Variants in FIG4 observed in about 807,000 individuals in gnomAD.
FIG4 encodes FIG4 phosphoinositide 5-phosphatase.
Under a neutral mutation model 118.6 loss-of-function variants are expected in FIG4, and 112 were observed. That is an observed-to-expected ratio of 0.94 (90% CI 0.81 to 1.11). FIG4 has a LOEUF of 1.11. Among genes scored for constraint, FIG4 ranks in the 50% least tolerant of loss-of-function variants. The pLI, the probability that FIG4 is intolerant of heterozygous loss-of-function variation, is 0.00. For synonymous variants in FIG4, 369 were observed against 381.2 expected, an observed-to-expected ratio of 0.97 and a Z score of 0.37; for missense variants, 969 against 1,111.7, an observed-to-expected ratio of 0.87 and a Z score of 1.83.
At chr6:109,714,529 A>T (rs1373532690) in intron 1 of FIG4, among the ~76,000 whole-genome samples, 1 of 152,222 alleles carries the variant, frequency 6.6e-6, no homozygotes, top group Non-Finnish European at 1.5e-5. Context: ...AAGAATGATG[A>T]TAATTTCTTG....
At chr6:109,724,052 C>T (rs941744319) in intron 3 of FIG4, among the ~76,000 whole-genome samples, 4 of 151,964 alleles carry the variant, frequency 2.6e-5, no homozygotes, top group Non-Finnish European at 5.9e-5. Flanking sequence ...GGCAATATTT[C>T]CCAAAATATG....
intron 15 of FIG4, among the ~76,000 whole-genome samples, chr6:109,771,312 C>T (rs530003209): frequency 2.1e-3 from 320 of 152,260 alleles, no homozygotes; most frequent in African/African-American, 7.1e-3. Context: ...TGTGACATTT[C>T]CATAGTAAGT....
At position 109,773,354 on chromosome 6, in the gene FIG4, C is replaced by T. The variant is rs546072403; in HGVS notation, c.1751-3568C>T. Among the ~76,000 whole-genome samples, 39 of 152,100 alleles carry T rather than the reference C, an allele frequency of 2.6e-4. 1 individual carries two copies. Among genetic ancestry groups the T allele is most frequent in the Non-Finnish European group, 4.9e-4 (33 of 68,002 alleles). On this transcript the variant is annotated intron_variant, in intron 15 of 22. Coordinates refer to ENST00000230124, the MANE Select transcript of FIG4 (RefSeq NM_014845.6). ...ACTAGGGAGCAAAGGTCTTGGGGGCCAAATTTCTTCCTACCACAGAAATCT... is the reference window on the plus strand; with the variant it reads ...ACTAGGGAGCAAAGGTCTTGGGGGCTAAATTTCTTCCTACCACAGAAATCT...
intron 22 of FIG4, among the ~76,000 whole-genome samples, chr6:109,805,664 A>G (rs921727018): frequency 9.2e-5 from 14 of 152,204 alleles, no homozygotes; most frequent in African/African-American, 3.1e-4. Context: ...TTATTCAGAA[A>G]AGTAATTGAG....
intron 22 of FIG4, among the ~76,000 whole-genome samples, 167 bp from the exon 23 acceptor site, chr6:109,824,921 G>A (rs753160293): frequency 2.0e-5 from 3 of 152,178 alleles, no homozygotes; most frequent in Non-Finnish European, 2.9e-5. Flanking sequence ...CCTCCAGGCA[G>A]AGAAGAGAAC....
At chr6:109,790,360 A>G (rs1778104139) in intron 19 of FIG4, among the ~76,000 whole-genome samples, 2 of 152,190 alleles carry the variant, frequency 1.3e-5, no homozygotes, top group Admixed American at 1.3e-4. Context: ...CAGAAACACT[A>G]TTTCTGTGGC....
Position 109,765,140 on chromosome 6 carries a change from A to G in FIG4, c.1562A>G (p.Gln521Arg), listed in dbSNP as rs747090329. 18 of 1,613,954 alleles carry G rather than the reference A, an allele frequency of 1.1e-5. No individual in the cohort carries two copies. The highest frequency in any genetic ancestry group is 1.4e-5 in the Non-Finnish European group (17 of 1,179,970). The change falls in exon 14 of 23, where the codon CAG becomes CGG. Residue 521 changes from glutamine (Q) to arginine (R), a missense_variant. Around this residue, in one of 3 missense-constraint regions of FIG4, gnomAD observed 246 missense variants for 354.3 expected, o/e 0.69. Coordinates refer to ENST00000230124, the MANE Select transcript of FIG4 (RefSeq NM_014845.6). ...SLGLIDKPNL[Q>R]FDTDAVRLFE... ...GGACTGATTGACAAACCTAATCTAC[A>G]GTTTGATACAGATGCAGTTAGGTAA...
intron 15 of FIG4, among the ~76,000 whole-genome samples, chr6:109,767,516 C>T (rs1057321807): frequency 4.6e-5 from 7 of 152,132 alleles, no homozygotes; most frequent in African/African-American, 1.4e-4. Context: ...TTTCATGAGT[C>T]TTCAGCTCTT....
At chr6:109,801,559 A>G (rs771355636) in intron 22 of FIG4, among the ~76,000 whole-genome samples, 29 of 152,134 alleles carry the variant, frequency 1.9e-4, no homozygotes, top group Non-Finnish European at 3.7e-4. Context: ...AAAAAATAAT[A>G]ATAATAAGTG....
chr6:109,700,765 G>A (rs1297711340), intron 1 of FIG4, among the ~76,000 whole-genome samples: 1 of 152,158 alleles, frequency 6.6e-6, no homozygotes, highest in East Asian at 1.9e-4. Flanking sequence ...TTTGTTTCAT[G>A]CACAAAATTA....
intron 11 of FIG4, 106 bp downstream of exon 11, chr6:109,760,489 C>A: frequency 9.4e-7 from 1 of 1,058,796 alleles, no homozygotes. Flanking sequence ...TGTTAATTTC[C>A]TTCATGAACC....
At chr6:109,729,615 G>A (rs1481952431) in intron 4 of FIG4, among the ~76,000 whole-genome samples, 2 of 151,866 alleles carry the variant, frequency 1.3e-5, no homozygotes, top group Admixed American at 6.6e-5. Flanking sequence ...GTTCAGTAAG[G>A]TGACTAAGAA....
chr6:109,719,869 T>C (rs1775553795), intron 3 of FIG4, among the ~76,000 whole-genome samples: 1 of 152,204 alleles, frequency 6.6e-6, no homozygotes, highest in Non-Finnish European at 1.5e-5. Flanking sequence ...TCATTTTTAA[T>C]CTATTGATAA....
rs1777542588 is a variant in FIG4, at chr6:109,773,975, ATATTTTTTATTATTTTTGTAG to A, written c.1751-2946_1751-2926del. On this transcript the variant is annotated intron_variant, in intron 15 of 22. Coordinates refer to ENST00000230124, the MANE Select transcript of FIG4 (RefSeq NM_014845.6). ...AGGCGTGTGCCACCATGCCCAGCTC[ATATTTTTTATTATTTTTGTAG>A]AGACAGAATCTCCCTGTGTTCCCCA... Among the ~76,000 whole-genome samples the A allele has an allele frequency of 2.0e-5, 3 of 152,008 alleles. No homozygotes were observed. In the South Asian group the frequency reaches 6.2e-4, roughly 32 times the overall value.
chr6:109,814,879 C>A (rs1347808111), intron 22 of FIG4, among the ~76,000 whole-genome samples: 1 of 152,126 alleles, frequency 6.6e-6, no homozygotes, highest in Non-Finnish European at 1.5e-5. Context: ...AAGATCTGAG[C>A]ATTAGGTATA....
chr6:109,707,768 A>T (rs1562638624), intron 1 of FIG4, among the ~76,000 whole-genome samples: 1 of 152,084 alleles, frequency 6.6e-6, no homozygotes, highest in Non-Finnish European at 1.5e-5. Context: ...AGTAAATGGC[A>T]CAATGTGAGT....
chr6:109,716,681 G>A, intron 3 of FIG4, 113 bp downstream of exon 3: 1 of 1,258,632 alleles, frequency 7.9e-7, no homozygotes, highest in Non-Finnish European at 1.1e-6. Context: ...ATAATTACCT[G>A]TAGCTTTGGT....
intron 22 of FIG4, among the ~76,000 whole-genome samples, chr6:109,803,368 G>A (rs1778475783): frequency 1.3e-5 from 2 of 152,192 alleles, no homozygotes; most frequent in Non-Finnish European, 2.9e-5. Context: ...AAACTTGTTA[G>A]TGGATTGGGT....
intron 16 of FIG4, among the ~76,000 whole-genome samples, chr6:109,784,627 C>T (rs1471319833): frequency 5.9e-5 from 9 of 152,182 alleles, no homozygotes; most frequent in Admixed American, 5.9e-4. Context: ...ACTGTAGGCA[C>T]AGTCCCTGGG....
Sources: allele counts gnomAD v4.1 joint callset (sites outside exome capture counted in the v4.1 genomes callset), GRCh38; gene constraint gnomAD v4.1.1; regional missense constraint gnomAD v4.1.1; transcripts MANE v1.5; gene names NCBI Gene and HGNC (gene_info 2026-07-23, HGNC 2026-07-21).